Variants in REPS1 observed in about 807,000 individuals in gnomAD.
REPS1 encodes RALBP1 associated Eps domain containing 1, also known as ralBP1-associated Eps domain-containing protein 1.
In REPS1, 39 loss-of-function variants were observed where a neutral mutation model predicts 100.9. That is an observed-to-expected ratio of 0.39 (90% CI 0.30 to 0.50). The LOEUF (loss-of-function observed/expected upper bound fraction) is 0.50. REPS1 is among the 20% of genes least tolerant of loss of function. REPS1 has a pLI of 0.86. For missense variants in REPS1, 821 were observed against 968.5 expected, an observed-to-expected ratio of 0.85 and a Z score of 2.02; for synonymous variants, 324 against 340.3, an observed-to-expected ratio of 0.95 and a Z score of 0.53.
intron 8 of REPS1, among the ~76,000 whole-genome samples, chr6:138,937,427 T>C (rs1296580531): frequency 6.6e-6 from 1 of 152,240 alleles, no homozygotes; most frequent in African/African-American, 2.4e-5. Context: ...TTAACAGTGA[T>C]TTACTTGCAC....
chr6:138,914,535 T>C (rs1780224822), intron 15 of REPS1, among the ~76,000 whole-genome samples, 162 bp downstream of exon 15: 1 of 152,246 alleles, frequency 6.6e-6, no homozygotes, highest in African/African-American at 2.4e-5. Context: ...ATTCTTGAAA[T>C]GTGCATCTTT....
chr6:138,982,526 A>G (rs1785010901), intron 1 of REPS1, among the ~76,000 whole-genome samples: 1 of 152,218 alleles, frequency 6.6e-6, no homozygotes, highest in Non-Finnish European at 1.5e-5. Flanking sequence ...TTAGTGTGGT[A>G]AATAGTATAT....
rs759122210 is a variant in REPS1 at position 138,943,468 on chromosome 6, C to T, written c.980+45G>A. 25 of 1,256,444 alleles carry T rather than the reference C, an allele frequency of 2.0e-5. No homozygotes were observed. In the East Asian group the frequency reaches 5.8e-4, roughly 29 times the overall value. 77.8% of individuals were successfully genotyped at this position (1,256,444 alleles called of 1,614,324 possible). A position where few individuals can be genotyped will look rare whatever the true frequency, so the allele number is the denominator to read the frequency against. The stretch of plus-strand genomic sequence containing the variant: ...TCTAAAATCTATCTGCTAGAAACTC[C>T]TTGGAAGCAACCCAGTTACCCAACT... On this transcript the variant is annotated intron_variant, in intron 7 of 19. Coordinates refer to ENST00000450536, the MANE Select transcript of REPS1 (RefSeq NM_001286611.2).
At chr6:138,910,185 G>A (rs1205664842) in intron 17 of REPS1, among the ~76,000 whole-genome samples, 1 of 152,070 alleles carries the variant, frequency 6.6e-6, no homozygotes, top group Non-Finnish European at 1.5e-5. Flanking sequence ...GTTCACATGA[G>A]AGCTGGCTGT....
In REPS1 at chr6:138,932,212, T is replaced by A. The variant is rs73561632; in HGVS notation, c.1136-2114A>T. Among the ~76,000 whole-genome samples the A allele has an allele frequency of 4.6e-3, 696 of 152,232 alleles. 7 individuals are homozygous for A. The highest frequency in any genetic ancestry group is 0.016 in the African/African-American group (653 of 41,522). The stretch of plus-strand genomic sequence containing the variant: ...GGTCTAGCTGCTTGAGGCTGCAAAG[T>A]GAAATGCTAGTCACCCAAATAATTA... On this transcript the variant is annotated intron_variant, in intron 8 of 19. Coordinates refer to ENST00000450536, the MANE Select transcript of REPS1 (RefSeq NM_001286611.2).
chr6:138,963,051 T>A (rs985286554), intron 1 of REPS1, among the ~76,000 whole-genome samples: 1 of 152,152 alleles, frequency 6.6e-6, no homozygotes, highest in Non-Finnish European at 1.5e-5. Flanking sequence ...CAAACTTACT[T>A]TGGCCAACCT....
At chr6:138,947,753 C>T in intron 2 of REPS1, 37 bp downstream of exon 2, 3 of 1,444,664 alleles carry the variant, frequency 2.1e-6, no homozygotes, top group Non-Finnish European at 2.7e-6. Context: ...TAATAGAAGC[C>T]TATTTTCTTT....
chr6:138,925,912 T>C (rs1167650828), intron 10 of REPS1, among the ~76,000 whole-genome samples: 1 of 152,192 alleles, frequency 6.6e-6, no homozygotes, highest in Non-Finnish European at 1.5e-5. Flanking sequence ...TTGACCAACA[T>C]CTTGTATTGC....
At chr6:138,909,974 C>T (rs185672156) in intron 17 of REPS1, among the ~76,000 whole-genome samples, 126 of 152,222 alleles carry the variant, frequency 8.3e-4, no homozygotes, top group African/African-American at 2.8e-3. Context: ...AAATTATTCC[C>T]TCAAAGGGAA....
intron 1 of REPS1, among the ~76,000 whole-genome samples, chr6:138,971,235 A>G (rs1470665723): frequency 6.6e-6 from 1 of 152,226 alleles, no homozygotes; most frequent in Non-Finnish European, 1.5e-5. Context: ...GTGGGTCATT[A>G]GCTTTCAAAG....
intron 2 of REPS1, among the ~76,000 whole-genome samples, chr6:138,947,035 G>GCTCGCTCTCTCT (rs10648982): frequency 1.5e-5 from 2 of 137,636 alleles, no homozygotes; most frequent in South Asian, 2.5e-4. Context: ...ATTCCCCCTT[G>GCTCGCTCTCTCT]CTCTCTCTCT....
chr6:138,933,131 C>T (rs1368440129), intron 8 of REPS1, among the ~76,000 whole-genome samples: 1 of 152,096 alleles, frequency 6.6e-6, no homozygotes, highest in Non-Finnish European at 1.5e-5. Context: ...TGCAAGTAAC[C>T]TTTAAGAAAT....
intron 1 of REPS1, among the ~76,000 whole-genome samples, chr6:138,953,518 T>A (rs1783176929): frequency 6.6e-6 from 1 of 151,896 alleles, no homozygotes; most frequent in African/African-American, 2.4e-5. Flanking sequence ...AAAACAAAAC[T>A]GATTTTTAAA....
chr6:138,909,363 A>G (rs962261393), intron 17 of REPS1, among the ~76,000 whole-genome samples: 1 of 152,242 alleles, frequency 6.6e-6, no homozygotes, highest in South Asian at 2.1e-4. Flanking sequence ...AAAAAACAGC[A>G]TTTTGGCATT....
chr6:138,932,224 C>T (rs1199323865), intron 8 of REPS1, among the ~76,000 whole-genome samples: 1 of 152,130 alleles, frequency 6.6e-6, no homozygotes, highest in Admixed American at 6.6e-5. Context: ...AAATGCTAGT[C>T]ACCCAAATAA....
chr6:138,970,023 G>A (rs1457388208), intron 1 of REPS1, among the ~76,000 whole-genome samples: 1 of 152,064 alleles, frequency 6.6e-6, no homozygotes, highest in Non-Finnish European at 1.5e-5. Flanking sequence ...GAAGCTAGAT[G>A]ATGAAGGCTC....
At chr6:138,945,777 T>TA in intron 2 of REPS1, 80 bp from the exon 3 acceptor site, 1 of 1,178,002 alleles carries the variant, frequency 8.5e-7, no homozygotes, top group South Asian at 2.0e-5. Flanking sequence ...ATGAATTAGA[T>TA]ATTAGAATTT....
At chr6:138,975,778 G>A (rs1784569420) in intron 1 of REPS1, among the ~76,000 whole-genome samples, 1 of 152,154 alleles carries the variant, frequency 6.6e-6, no homozygotes, top group Non-Finnish European at 1.5e-5. Flanking sequence ...AGGGTGCAGT[G>A]AGTCGAGATT....
chr6:138,959,364 C>T (rs1444381271), intron 1 of REPS1, among the ~76,000 whole-genome samples: 1 of 152,182 alleles, frequency 6.6e-6, no homozygotes, highest in East Asian at 1.9e-4. Flanking sequence ...TGAGCTGAAT[C>T]ACAAAACAAA....
Sources: allele counts gnomAD v4.1 joint callset (sites outside exome capture counted in the v4.1 genomes callset), GRCh38; gene constraint gnomAD v4.1.1; transcripts MANE v1.5; gene names NCBI Gene and HGNC (gene_info 2026-07-23, HGNC 2026-07-21).